XYLT1: variants seen among roughly 807,000 people sequenced by gnomAD.
The protein encoded by XYLT1 is beta-D-xylosyltransferase 1.
Under a neutral mutation model 91.3 loss-of-function variants are expected in XYLT1, and 36 were observed. The observed-to-expected ratio is 0.39, with a 90% confidence interval of 0.30 to 0.52. The LOEUF (loss-of-function observed/expected upper bound fraction) is 0.52, where lower values mean the gene tolerates loss of function less well. XYLT1 is among the 20% of genes least tolerant of loss of function. The pLI is 0.68. For synonymous variants in XYLT1, 588 were observed against 532.0 expected (o/e 1.11, Z -1.45); for missense variants, 1,242 against 1,284.5 (o/e 0.97, Z 0.51).
intron 1 of XYLT1, chr16:17,403,623 C>T (rs2035994584): frequency 6.6e-6 from 1 of 152,134 alleles, no homozygotes; most frequent in African/African-American, 2.4e-5. Context: ...GACCTGCCCC[C>T]ATGATTCAAT....
chr16:17,431,035 A>G (rs2036383548), intron 1 of XYLT1, among the ~76,000 whole-genome samples: 1 of 152,240 alleles, frequency 6.6e-6, no homozygotes, highest in Non-Finnish European at 1.5e-5. Flanking sequence ...TCTCCAGAGC[A>G]GAGGTGGGCA....
At chr16:17,455,089 T>C (rs2036723168) in intron 1 of XYLT1, among the ~76,000 whole-genome samples, 1 of 151,870 alleles carries the variant, frequency 6.6e-6, no homozygotes, top group African/African-American at 2.4e-5. Flanking sequence ...GTACAGACTG[T>C]ATGATTCCAT....
intron 11 of XYLT1, among the ~76,000 whole-genome samples, chr16:17,111,923 C>T (rs985577819): frequency 2.0e-5 from 3 of 152,126 alleles, no homozygotes; most frequent in Admixed American, 2.0e-4. Flanking sequence ...CAGCTTCAGC[C>T]CCACCTGCCA....
intron 2 of XYLT1, among the ~76,000 whole-genome samples, chr16:17,327,394 GCT>G (rs1257848547): frequency 7.8e-6 from 1 of 127,454 alleles, no homozygotes; most frequent in Non-Finnish European, 1.6e-5. Flanking sequence ...ATAGAGTCTC[GCT>G]CTGTTTCCCA....
intron 6 of XYLT1, among the ~76,000 whole-genome samples, chr16:17,147,400 T>C (rs993344405): frequency 6.6e-6 from 1 of 152,200 alleles, no homozygotes; most frequent in East Asian, 1.9e-4. Flanking sequence ...AAATTTTTCT[T>C]TCCAGTTTTT....
At chr16:17,167,783 C>T (rs908194088) in intron 5 of XYLT1, among the ~76,000 whole-genome samples, 1 of 152,004 alleles carries the variant, frequency 6.6e-6, no homozygotes, top group African/African-American at 2.4e-5. Flanking sequence ...CCTTCCATCT[C>T]GTGAATGGAT....
At chr16:17,442,118 C>G (rs2036538965) in intron 1 of XYLT1, among the ~76,000 whole-genome samples, 1 of 152,200 alleles carries the variant, frequency 6.6e-6, no homozygotes, top group Non-Finnish European at 1.5e-5. Context: ...AACATTGGCC[C>G]TTCCCAGATC....
chr16:17,429,635 T>C (rs1361358292), intron 1 of XYLT1, among the ~76,000 whole-genome samples: 3 of 152,226 alleles, frequency 2.0e-5, no homozygotes, highest in Non-Finnish European at 4.4e-5. Context: ...ACATTTGAAC[T>C]GGTGAACTCA....
chr16:17,110,924 C>T (rs1966839599), intron 11 of XYLT1, among the ~76,000 whole-genome samples: 1 of 152,180 alleles, frequency 6.6e-6, no homozygotes, highest in Admixed American at 6.5e-5. Context: ...CTTTGTGAGG[C>T]TGAGGCAGGT....
chr16:17,397,097 A>T (rs1010116442), intron 1 of XYLT1, among the ~76,000 whole-genome samples: 1 of 151,918 alleles, frequency 6.6e-6, no homozygotes, highest in Non-Finnish European at 1.5e-5. Flanking sequence ...TGCTCCTTTA[A>T]GAAAAGGCTG....
chr16:17,324,206 G>A (rs1465387384), intron 2 of XYLT1, among the ~76,000 whole-genome samples: 2 of 151,972 alleles, frequency 1.3e-5, no homozygotes, highest in African/African-American at 2.4e-5. Flanking sequence ...AAAGGTCAAG[G>A]GAAAAAGAAA....
intron 3 of XYLT1, among the ~76,000 whole-genome samples, chr16:17,255,701 T>C (rs558753371): frequency 1.3e-3 from 203 of 152,272 alleles, no homozygotes; most frequent in Non-Finnish European, 2.1e-3. Flanking sequence ...TCTTTCTAAA[T>C]CTTTCTATTT....
chr16:17,210,422 C>A (rs992546887), intron 3 of XYLT1, among the ~76,000 whole-genome samples: 1 of 152,030 alleles, frequency 6.6e-6, no homozygotes, highest in Non-Finnish European at 1.5e-5. Context: ...ACTAAAAATG[C>A]AAAAATGAGC....
At position 17,312,759 on chromosome 16, in the gene XYLT1, G is replaced by A. The variant is rs2034569586; in HGVS notation, c.402+45253C>T. Among the ~76,000 whole-genome samples the A allele has an allele frequency of 6.6e-6, 1 of 152,176 alleles. No homozygotes were observed. On this transcript the variant is annotated intron_variant, in intron 2 of 11. Coordinates refer to ENST00000261381, the MANE Select transcript of XYLT1 (RefSeq NM_022166.4). The surrounding 1 kb of genome is among the most constrained non-coding windows in gnomAD (Gnocchi z 4.4). ...AAAACTGAAGCACAGACAGAATAAA[G>A]ACAGAATAAAGTGACTTGTCCAAGG...
Position 17,104,666 on chromosome 16 carries a change from A to C in XYLT1, c.*4029T>G, listed in dbSNP as rs1284763330. 1 of 148,144 alleles carries C rather than the reference A, an allele frequency of 6.8e-6. No individual in the cohort carries two copies. The highest frequency in any genetic ancestry group is 1.5e-5 in the Non-Finnish European group (1 of 67,940). The allele number at this position is 148,144 out of a possible 1,614,324, so 9.2% of individuals were successfully genotyped here. A position where few individuals can be genotyped will look rare whatever the true frequency, so the allele number is the denominator to read the frequency against. On this transcript the variant is annotated 3_prime_UTR_variant, in exon 12 of 12. Coordinates refer to ENST00000261381, the MANE Select transcript of XYLT1 (RefSeq NM_022166.4). ...AAAAAAAACAAAAACAAACAAACAA[A>C]CAACCCGACGTTGAAAAATCAGATT...
intron 1 of XYLT1, among the ~76,000 whole-genome samples, chr16:17,373,757 G>C (rs566251622): frequency 6.6e-6 from 1 of 152,318 alleles, no homozygotes. Flanking sequence ...AAGTCACACA[G>C]CTGCACAGTG....
At chr16:17,407,034 C>T (rs1048630809) in intron 1 of XYLT1, among the ~76,000 whole-genome samples, 7 of 152,192 alleles carry the variant, frequency 4.6e-5, no homozygotes, top group Non-Finnish European at 1.0e-4. Flanking sequence ...CAGAGTCTTG[C>T]TCTGTCACCC....
rs551828922 is a variant in XYLT1, at chr16:17,306,106, A to C, written c.403-46608T>G. On this transcript the variant is annotated intron_variant, in intron 2 of 11. Transcript: ENST00000261381. ...CCTCTGGGTGCCAAAGGACTGCCGAAGCTCTTTACCCTCCCTCTGTATGTG... is the reference window on the plus strand; with the variant it reads ...CCTCTGGGTGCCAAAGGACTGCCGACGCTCTTTACCCTCCCTCTGTATGTG... Among the ~76,000 whole-genome samples the C allele has an allele frequency of 2.0e-5, 3 of 152,298 alleles. No individual in the cohort carries two copies. The South Asian group carries it at 6.2e-4, about 32-fold the overall frequency.
intron 1 of XYLT1, among the ~76,000 whole-genome samples, chr16:17,397,967 C>T (rs1293114682): frequency 6.6e-6 from 1 of 151,746 alleles, no homozygotes; most frequent in East Asian, 1.9e-4. Context: ...GGATTACAGG[C>T]ATGCACCACC....
Sources: allele counts gnomAD v4.1 joint callset (sites outside exome capture counted in the v4.1 genomes callset), GRCh38; gene constraint gnomAD v4.1.1; non-coding constraint Gnocchi (gnomAD v3.1); transcripts MANE v1.5; gene names NCBI Gene and HGNC (gene_info 2026-07-23, HGNC 2026-07-21).